Variants in CAPZA1 observed in about 807,000 individuals in gnomAD.
The protein encoded by CAPZA1 is F-actin-capping protein subunit alpha-1.
A neutral mutation model predicts 40.8 loss-of-function variants in CAPZA1; 10 were observed. The observed-to-expected ratio is 0.25, with a 90% CI of 0.15 to 0.42. CAPZA1 has a LOEUF of 0.42. Ranked by LOEUF, CAPZA1 falls within the 10% of genes least tolerant of loss-of-function variation. CAPZA1 has a pLI of 1.00. For synonymous variants in CAPZA1, 98 were observed against 115.0 expected (o/e 0.85, Z 0.95); for missense variants, 277 against 353.8 (o/e 0.78, Z 1.74).
At chr1:112,655,516 T>A (rs779327956) in intron 5 of CAPZA1, among the ~76,000 whole-genome samples, 2 of 152,138 alleles carry the variant, frequency 1.3e-5, no homozygotes, top group African/African-American at 2.4e-5. Context: ...AATTTTTTTT[T>A]AATCAGGAGT....
intron 3 of CAPZA1, 21 bp from the exon 4 acceptor site, chr1:112,653,573 TTAAA>T: frequency 3.1e-6 from 4 of 1,294,276 alleles, no homozygotes; most frequent in African/African-American, 1.6e-5. Flanking sequence ...TTTTTTTTTT[TTAAA>T]AAACTTTTAA....
intron 1 of CAPZA1, among the ~76,000 whole-genome samples, chr1:112,643,617 A>T (rs188420785): frequency 6.6e-6 from 1 of 152,332 alleles, no homozygotes; most frequent in African/African-American, 2.4e-5. Context: ...GACCGAAAAA[A>T]GTTAGTAATG....
intron 1 of CAPZA1, among the ~76,000 whole-genome samples, chr1:112,645,474 T>A (rs1443512585): frequency 2.0e-5 from 3 of 151,800 alleles, no homozygotes; most frequent in Admixed American, 6.6e-5. Context: ...AAAATTAAAA[T>A]TTTTTAAAAA....
chr1:112,640,851 G>A (rs1267864265), intron 1 of CAPZA1, among the ~76,000 whole-genome samples: 1 of 152,144 alleles, frequency 6.6e-6, no homozygotes, highest in Non-Finnish European at 1.5e-5. Flanking sequence ...GTAGACATGG[G>A]AGACTTTTCA....
At chr1:112,640,106 T>C (rs1671115745) in intron 1 of CAPZA1, among the ~76,000 whole-genome samples, 1 of 107,094 alleles carries the variant, frequency 9.3e-6, no homozygotes, top group African/African-American at 3.7e-5. Flanking sequence ...GGAGCCCCTC[T>C]GCCCAGCCAG....
At chr1:112,629,911 TC>T (rs1334092604) in intron 1 of CAPZA1, among the ~76,000 whole-genome samples, 1 of 152,168 alleles carries the variant, frequency 6.6e-6, no homozygotes, top group East Asian at 1.9e-4. Flanking sequence ...GAGCCCAGCT[TC>T]TCCTTTTCTC....
At chr1:112,625,281 T>C (rs1186973428) in intron 1 of CAPZA1, among the ~76,000 whole-genome samples, 1 of 152,108 alleles carries the variant, frequency 6.6e-6, no homozygotes, top group Non-Finnish European at 1.5e-5. Flanking sequence ...CAAAGCCTTA[T>C]GGTTACCAAA....
chr1:112,646,897 G>A, intron 1 of CAPZA1: 2 of 189,302 alleles, frequency 1.1e-5, no homozygotes, highest in African/African-American at 2.3e-5. Context: ...TTGCTTAAAT[G>A]TTCATAATCA....
chr1:112,662,548 G>A (rs377703141), intron 7 of CAPZA1, among the ~76,000 whole-genome samples: 19 of 151,616 alleles, frequency 1.3e-4, no homozygotes, highest in African/African-American at 3.6e-4. Flanking sequence ...ACAGGCGCCC[G>A]CCACCATACC....
At chr1:112,640,370 G>T (rs1368633001) in intron 1 of CAPZA1, among the ~76,000 whole-genome samples, 1 of 101,976 alleles carries the variant, frequency 9.8e-6, no homozygotes, top group Admixed American at 1.1e-4. Context: ...AGGTGGGGGT[G>T]AGCCCCCCAC....
At chr1:112,648,373 G>A (rs1185196104) in intron 2 of CAPZA1, among the ~76,000 whole-genome samples, 4 of 117,754 alleles carry the variant, frequency 3.4e-5, no homozygotes, top group South Asian at 2.5e-4. Flanking sequence ...TTTTTTTGAC[G>A]GAGTCTTGCT....
At chr1:112,644,187 T>A (rs1280070709) in intron 1 of CAPZA1, among the ~76,000 whole-genome samples, 1 of 85,020 alleles carries the variant, frequency 1.2e-5, no homozygotes, top group Non-Finnish European at 2.5e-5. Context: ...CTCCCAGCTT[T>A]TTTTTTTTTT....
chr1:112,643,875 C>CTTTTTTTTTTTTTTTTTTTG (rs1557731528), intron 1 of CAPZA1, among the ~76,000 whole-genome samples: 2 of 152,046 alleles, frequency 1.3e-5, no homozygotes, highest in African/African-American at 4.8e-5. Context: ...GAGACAGTCT[C>CTTTTTTTTTTTTTTTTTTTG]ACTCTGTCGC....
chr1:112,660,531 C>T (rs1220365690), intron 7 of CAPZA1, among the ~76,000 whole-genome samples: 6 of 152,190 alleles, frequency 3.9e-5, no homozygotes, highest in African/African-American at 1.4e-4. Flanking sequence ...CCACCCGCCT[C>T]GGCCTCCCAA....
chr1:112,631,905 C>T (rs1670925604), intron 1 of CAPZA1, among the ~76,000 whole-genome samples: 1 of 152,010 alleles, frequency 6.6e-6, no homozygotes, highest in Non-Finnish European at 1.5e-5. Flanking sequence ...AAATGTTATG[C>T]TTAAATGTGT....
intron 1 of CAPZA1, among the ~76,000 whole-genome samples, chr1:112,643,763 T>G (rs1397898179): frequency 6.6e-6 from 1 of 152,232 alleles, no homozygotes; most frequent in Non-Finnish European, 1.5e-5. Flanking sequence ...CAGCTTTTCT[T>G]TGTCCTTTTC....
chr1:112,622,862 G>A (rs1245809062), intron 1 of CAPZA1, among the ~76,000 whole-genome samples: 5 of 151,488 alleles, frequency 3.3e-5, no homozygotes, highest in Non-Finnish European at 7.4e-5. Flanking sequence ...CTTTGTTAGA[G>A]CACATGAAAA....
At chr1:112,662,369 T>C (rs1243638368) in intron 7 of CAPZA1, among the ~76,000 whole-genome samples, 1 of 151,074 alleles carries the variant, frequency 6.6e-6, no homozygotes, top group African/African-American at 2.4e-5. Context: ...TATTAGGTAA[T>C]GAAATTAATA....
intron 6 of CAPZA1, 59 bp downstream of exon 6, chr1:112,659,160 G>C: frequency 9.0e-7 from 1 of 1,114,364 alleles, no homozygotes. Context: ...TTGAGACTTG[G>C]TTTTTAATCC....
Sources: gnomAD v4.1 joint callset for allele counts (sites outside exome capture counted in the v4.1 genomes callset) on GRCh38, gnomAD v4.1.1 for gene constraint, MANE v1.5 for transcripts, NCBI Gene and HGNC (gene_info 2026-07-23, HGNC 2026-07-21) for gene names.